Variants in ACYP2 observed in about 807,000 individuals in gnomAD.
The protein encoded by ACYP2 is acylphosphatase-2.
In ACYP2, 12 loss-of-function variants were observed where a neutral mutation model predicts 11.2. The observed-to-expected ratio is 1.08, with a 90% CI of 0.69 to 1.74. ACYP2 has a LOEUF of 1.74. ACYP2 is among the 40% of genes most tolerant of loss of function. ACYP2 has a pLI of 0.00. For synonymous variants in ACYP2, 43 were observed against 32.2 expected, an observed-to-expected ratio of 1.33 and a Z score of -1.13; for missense variants, 134 against 101.9, an observed-to-expected ratio of 1.31 and a Z score of -1.35.
intron 4 of ACYP2, among the ~76,000 whole-genome samples, chr2:54,089,747 A>G (rs1284288146): frequency 6.6e-6 from 1 of 152,048 alleles, no homozygotes; most frequent in East Asian, 1.9e-4. Flanking sequence ...CCCAAAACCA[A>G]ACAGCAATTA....
chr2:54,069,092 A>C (rs1676886245), intron 4 of ACYP2, among the ~76,000 whole-genome samples: 1 of 151,788 alleles, frequency 6.6e-6, no homozygotes, highest in African/African-American at 2.4e-5. Context: ...ACACCCAACT[A>C]ATTTTTTTAA....
intron 6 of ACYP2, among the ~76,000 whole-genome samples, chr2:54,170,006 CTT>C (rs755505041): frequency 4.1e-4 from 63 of 152,228 alleles, no homozygotes; most frequent in East Asian, 1.5e-3. Context: ...AGATGTGACT[CTT>C]AAACTAGTCT....
chr2:54,165,009 C>G (rs1031631599), intron 6 of ACYP2, among the ~76,000 whole-genome samples: 2 of 152,184 alleles, frequency 1.3e-5, no homozygotes, highest in African/African-American at 4.8e-5. Flanking sequence ...TGGCTTCCAG[C>G]TTCATCCATG....
intron 6 of ACYP2, among the ~76,000 whole-genome samples, chr2:54,160,179 A>G (rs1230910363): frequency 6.6e-6 from 1 of 152,224 alleles, no homozygotes; most frequent in Non-Finnish European, 1.5e-5. Flanking sequence ...AGCTGTCATC[A>G]GTGTCAGGAT....
intron 5 of ACYP2, among the ~76,000 whole-genome samples, chr2:54,137,684 G>C (rs1681336230): frequency 6.6e-6 from 1 of 152,222 alleles, no homozygotes. Flanking sequence ...GTCTACCATT[G>C]ATGGGCATTT....
rs190207235 is a variant in ACYP2, at chr2:53,998,436, T to C, written c.62+24626T>C. Among the ~76,000 whole-genome samples the C allele has an allele frequency of 2.3e-3, 354 of 152,312 alleles. 3 individuals carry two copies. The highest frequency in any genetic ancestry group is 8.3e-3 in the African/African-American group (347 of 41,568). On this transcript the variant is annotated intron_variant, in intron 2 of 6. Transcript: ENST00000607452. The stretch of plus-strand genomic sequence containing the variant: ...AGAAAAAGTGAAAGAGGATGATTAA[T>C]AAACGAATTGGTTGGGAAAGTGTCT...
At chr2:54,275,302 A>G (rs1688500809) in intron 6 of ACYP2, among the ~76,000 whole-genome samples, 2 of 152,328 alleles carry the variant, frequency 1.3e-5, no homozygotes, top group South Asian at 4.1e-4. Flanking sequence ...ACTTTTCCAG[A>G]AACAGCTGAC....
At position 54,002,400 on chromosome 2, in the gene ACYP2, C is replaced by T. The variant is rs545538096; in HGVS notation, c.62+28590C>T. On this transcript the variant is annotated intron_variant, in intron 2 of 6. Transcript: ENST00000607452. ...TTGCTCTGTTGCCCAGGCTGGAGTG[C>T]GGTGGCACAATCTTGGCTCACTGCA... 8.0e-5 allele frequency among the ~76,000 whole-genome samples: 12 copies of T among 149,510 alleles called. No individual in the cohort carries two copies. The East Asian group carries it at 1.2e-3, about 15-fold the overall frequency.
chr2:54,166,426 C>G (rs1682978131), intron 6 of ACYP2, among the ~76,000 whole-genome samples: 1 of 152,144 alleles, frequency 6.6e-6, no homozygotes, highest in South Asian at 2.1e-4. Context: ...TGAAGTAAGA[C>G]ATGGAGGATT....
At chr2:54,246,718 A>G (rs1454438398) in intron 6 of ACYP2, among the ~76,000 whole-genome samples, 1 of 152,172 alleles carries the variant, frequency 6.6e-6, no homozygotes, top group East Asian at 1.9e-4. Context: ...ATTGTCTAAT[A>G]TCTAATATCT....
At chr2:54,220,750 G>T (rs1172374054) in intron 6 of ACYP2, among the ~76,000 whole-genome samples, 1 of 152,134 alleles carries the variant, frequency 6.6e-6, no homozygotes, top group Non-Finnish European at 1.5e-5. Flanking sequence ...TGGAATATCA[G>T]AAATTTTCAC....
intron 6 of ACYP2, among the ~76,000 whole-genome samples, chr2:54,231,188 A>T (rs182449621): frequency 6.6e-6 from 1 of 152,302 alleles, no homozygotes; most frequent in African/African-American, 2.4e-5. Flanking sequence ...CCTAAAATAC[A>T]TGACAACAAG....
intron 4 of ACYP2, among the ~76,000 whole-genome samples, chr2:54,070,930 T>TTTG (rs748865368): frequency 1.5e-3 from 220 of 147,212 alleles, no homozygotes; most frequent in African/African-American, 3.6e-3. Context: ...TTGTTTGTTT[T>TTTG]TTTCAGAGAC....
chr2:54,022,171 C>T (rs796116411), intron 2 of ACYP2, among the ~76,000 whole-genome samples: 3 of 151,914 alleles, frequency 2.0e-5, no homozygotes, highest in African/African-American at 7.2e-5. Context: ...CTCTCTCCTT[C>T]CCTCCTTCCC....
intron 4 of ACYP2, among the ~76,000 whole-genome samples, chr2:54,093,143 G>A (rs1678325592): frequency 6.6e-6 from 1 of 152,122 alleles, no homozygotes; most frequent in Non-Finnish European, 1.5e-5. Context: ...CTGAGAGTCA[G>A]TTTCCCAGGG....
Position 54,110,368 on chromosome 2 carries a change from T to C in ACYP2, c.278-25085T>C, listed in dbSNP as rs76047957. 6.8e-3 allele frequency among the ~76,000 whole-genome samples: 1,036 copies of C among 152,316 alleles called. 10 individuals carry two copies. Among genetic ancestry groups the C allele is most frequent in the African/African-American group, 0.023 (958 of 41,564 alleles). On this transcript the variant is annotated intron_variant, in intron 4 of 6. Coordinates refer to ENST00000607452, the MANE Select transcript of ACYP2 (RefSeq NM_001320586.2). ...AAAGAATATACCCACGATGCCGTTA[T>C]CACAGTGACAAAGTTAATGATGATT...
chr2:54,043,683 A>T (rs1388486155), intron 2 of ACYP2, among the ~76,000 whole-genome samples: 1 of 152,144 alleles, frequency 6.6e-6, no homozygotes, highest in Non-Finnish European at 1.5e-5. Flanking sequence ...TATAAAGGGG[A>T]TAATGGGTCT....
At chr2:54,263,547 C>G (rs1231983754) in intron 6 of ACYP2, among the ~76,000 whole-genome samples, 1 of 152,116 alleles carries the variant, frequency 6.6e-6, no homozygotes, top group African/African-American at 2.4e-5. Context: ...TCGCTTGAGC[C>G]CAGGAGTTGG....
At chr2:54,109,621 C>T (rs1397140720) in intron 4 of ACYP2, among the ~76,000 whole-genome samples, 2 of 151,994 alleles carry the variant, frequency 1.3e-5, no homozygotes, top group Non-Finnish European at 2.9e-5. Context: ...GGTGAATCTG[C>T]TCATGCACCA....
Sources: allele counts gnomAD v4.1 joint callset (sites outside exome capture counted in the v4.1 genomes callset), GRCh38; gene constraint gnomAD v4.1.1; transcripts MANE v1.5; gene names NCBI Gene and HGNC (gene_info 2026-07-23, HGNC 2026-07-21).